Variants in CEP63 observed in about 807,000 individuals in gnomAD.
CEP63 encodes the protein centrosomal protein of 63 kDa.
CEP63 carries 84 observed loss-of-function variants against 89.1 expected under a neutral mutation model. The ratio of observed to expected loss-of-function variants is 0.94; its 90% CI spans 0.79 to 1.13. The LOEUF (loss-of-function observed/expected upper bound fraction) is 1.13. Ranked by LOEUF, CEP63 falls within the 50% of genes most tolerant of loss-of-function variation. CEP63 has a pLI of 0.00. For synonymous variants in CEP63, 267 were observed against 272.5 expected, an observed-to-expected ratio of 0.98 and a Z score of 0.20; for missense variants, 838 against 813.3, an observed-to-expected ratio of 1.03 and a Z score of -0.37.
At chr3:134,626,575 G>A in the CEP63 span, among the ~76,000 whole-genome samples, 11 of 152,312 alleles carry the variant, frequency 7.2e-5, no homozygotes, top group South Asian at 6.2e-4. Flanking sequence ...CCCACACGTC[G>A]TCAGGGCTGC....
chr3:134,574,132 G>A (rs1021391315), intron 11 of CEP63, among the ~76,000 whole-genome samples: 4 of 152,218 alleles, frequency 2.6e-5, no homozygotes, highest in South Asian at 2.1e-4. Context: ...GTATGCTACT[G>A]TCCTCTGTGG....
chr3:134,538,566 T>TATATATA (rs1407833955), intron 6 of CEP63, among the ~76,000 whole-genome samples: 1 of 144,046 alleles, frequency 6.9e-6, no homozygotes, highest in Non-Finnish European at 1.5e-5. Flanking sequence ...TATATATATA[T>TATATATA]TTTTTTAACA....
the CEP63 span, among the ~76,000 whole-genome samples, chr3:134,689,442 T>TTTATTATTATTATTATTATTATTATTA: frequency 6.0e-4 from 58 of 96,486 alleles, no homozygotes; most frequent in South Asian, 1.1e-3. Context: ...AAGGACCTTA[T>TTTATTATTATTATTATTATTATTATTA]TTATTATTAT....
intron 5 of CEP63, chr3:134,536,954 A>G (rs1242086371): frequency 1.8e-6 from 1 of 566,974 alleles, no homozygotes. Flanking sequence ...TTAGAAAGAC[A>G]GATATCCAGA....
the CEP63 span, chr3:134,619,229 T>C: frequency 2.5e-6 from 4 of 1,613,816 alleles, no homozygotes; most frequent in African/African-American, 5.3e-5. Context: ...TTTGAAGGCT[T>C]GGCGGTCCTT....
At chr3:134,600,756 T>G in the CEP63 span, 1 of 152,290 alleles carries the variant, frequency 6.6e-6, no homozygotes, top group Non-Finnish European at 1.5e-5. Context: ...TGCTTCTGTT[T>G]CAAGAAGTTA....
At chr3:134,678,048 G>T in the CEP63 span, among the ~76,000 whole-genome samples, 1 of 151,964 alleles carries the variant, frequency 6.6e-6, no homozygotes, top group Non-Finnish European at 1.5e-5. Flanking sequence ...ACCCACAGGG[G>T]TTCAAGTGCA....
chr3:134,538,617 T>C (rs1951366035), intron 6 of CEP63, among the ~76,000 whole-genome samples: 1 of 148,642 alleles, frequency 6.7e-6, no homozygotes, highest in African/African-American at 2.4e-5. Context: ...GAGGTCTTGC[T>C]GCATTGCTCA....
chr3:134,772,401 C>T, the CEP63 span, among the ~76,000 whole-genome samples: 1,435 of 152,266 alleles, frequency 9.4e-3, 22 homozygotes, highest in African/African-American at 0.033. Context: ...GCGAGGGAGA[C>T]ACTTGGCTTG....
At chr3:134,540,751 C>G (rs938780992) in intron 6 of CEP63, among the ~76,000 whole-genome samples, 2 of 143,550 alleles carry the variant, frequency 1.4e-5, no homozygotes, top group Non-Finnish European at 3.0e-5. Context: ...CCTTTATTCA[C>G]CTTTGTTTTA....
chr3:134,501,579 T>TTA (rs1553745460), intron 2 of CEP63, among the ~76,000 whole-genome samples: 1 of 151,848 alleles, frequency 6.6e-6, no homozygotes, highest in Admixed American at 6.6e-5. Flanking sequence ...GATTTTTTTT[T>TTA]ATGTGTGGCT....
chr3:134,507,109 G>A lies in CEP63; in HGVS notation c.45G>A (p.Gly15=). ...TTTAATGATCTGTTCTTCTTTATAG[G>A]GGATTTTTGACATCTTGTGAAGCAG... ...LEGIQNRGHG[G]GFLTSCEAEL... Residue 15 remains glycine, a splice_region_variant and synonymous_variant, in exon 3 of 15, where the codon GGG becomes GGA. Coordinates refer to ENST00000675561, the MANE Select transcript of CEP63 (RefSeq NM_001353108.3). 1 of 1,612,038 alleles carries A rather than the reference G, an allele frequency of 6.2e-7. No homozygotes were observed. Among genetic ancestry groups the A allele is most frequent in the Middle Eastern group, 1.7e-4 (1 of 6,052 alleles).
downstream of CEP63, among the ~76,000 whole-genome samples, chr3:134,578,328 T>TTTTG (rs1958261899): frequency 4.3e-5 from 2 of 45,978 alleles, no homozygotes; most frequent in African/African-American, 1.3e-4. Context: ...TTGTGTTTTT[T>TTTTG]TTTTTTTTTT....
At chr3:134,603,566 C>G in the CEP63 span, 1 of 1,557,222 alleles carries the variant, frequency 6.4e-7, no homozygotes, top group Non-Finnish European at 8.7e-7. Flanking sequence ...AGGGTAAGAC[C>G]GGGGCACAGC....
At chr3:134,599,951 G>GA in the CEP63 span, among the ~76,000 whole-genome samples, 5 of 152,186 alleles carry the variant, frequency 3.3e-5, no homozygotes, top group African/African-American at 1.2e-4. Flanking sequence ...AAATTTTATT[G>GA]AAAAACAACA....
the CEP63 span, among the ~76,000 whole-genome samples, chr3:134,768,683 G>A: frequency 6.6e-6 from 1 of 152,322 alleles, no homozygotes; most frequent in East Asian, 1.9e-4. Flanking sequence ...AAGCAGGCTG[G>A]TGTGGTAGGC....
intron 14 of CEP63, among the ~76,000 whole-genome samples, chr3:134,560,141 T>A (rs1340668600): frequency 6.6e-6 from 1 of 152,202 alleles, no homozygotes; most frequent in East Asian, 1.9e-4. Flanking sequence ...GCAGCAAAAT[T>A]TTTTTGGCAC....
chr3:134,713,481 G>A, the CEP63 span, among the ~76,000 whole-genome samples: 2 of 152,232 alleles, frequency 1.3e-5, no homozygotes, highest in African/African-American at 2.4e-5. Flanking sequence ...CCCGAGGGGA[G>A]CTGGTCTCTG....
At chr3:134,574,779 A>T (rs1560075505) in intron 11 of CEP63, 14 of 538,346 alleles carry the variant, frequency 2.6e-5, no homozygotes, top group South Asian at 4.4e-5. Context: ...AATTTTTTAT[A>T]TTTTTTTTTG....
Sources: gnomAD v4.1 joint callset for allele counts (sites outside exome capture counted in the v4.1 genomes callset) on GRCh38, gnomAD v4.1.1 for gene constraint, MANE v1.5 for transcripts, NCBI Gene and HGNC (gene_info 2026-07-23, HGNC 2026-07-21) for gene names.